Variants in GOLGA5 observed in about 807,000 individuals in gnomAD.
The protein encoded by GOLGA5 is golgin A5, also known as golgin subfamily A member 5.
In GOLGA5, 50 loss-of-function variants were observed where a neutral mutation model predicts 93.5. That is an observed-to-expected ratio of 0.53 (90% CI 0.43 to 0.68). The LOEUF (loss-of-function observed/expected upper bound fraction) is 0.68, where lower values mean the gene tolerates loss of function less well. Among genes scored for constraint, GOLGA5 ranks in the 30% least tolerant of loss-of-function variants. GOLGA5 has a pLI of 0.00. For missense variants in GOLGA5, 760 were observed against 856.4 expected (o/e 0.89, Z 1.40); for synonymous variants, 312 against 304.5 (o/e 1.02, Z -0.26).
At chr14:92,829,768 T>C (rs1885490669) in intron 9 of GOLGA5, among the ~76,000 whole-genome samples, 1 of 152,236 alleles carries the variant, frequency 6.6e-6, no homozygotes, top group Non-Finnish European at 1.5e-5. Flanking sequence ...TGACTCCAGT[T>C]TTGAAAGATG....
rs1330110488 is a variant in GOLGA5 at position 92,797,630 on chromosome 14, T to G, written c.193T>G (p.Ser65Ala). The G allele has an allele frequency of 6.2e-7, 1 of 1,613,230 alleles. No individual in the cohort carries two copies. The change falls in exon 2 of 13, where the codon TCA (serine) becomes GCA (alanine). Residue 65 changes from serine to alanine, a missense_variant. Coordinates refer to ENST00000163416, the MANE Select transcript of GOLGA5 (RefSeq NM_005113.4). The part of the protein sequence containing the change: ...QTGPKSTYIS[S>A]AADNIRNQKA... The stretch of plus-strand genomic sequence containing the variant: ...TGGACCTAAATCTACGTATATTTCA[T>G]CAGCAGCTGATAACATTCGAAATCA...
intron 9 of GOLGA5, among the ~76,000 whole-genome samples, chr14:92,828,155 G>T (rs549488235): frequency 6.6e-6 from 1 of 152,364 alleles, no homozygotes; most frequent in South Asian, 2.1e-4. Context: ...TCTATTGGAA[G>T]AAAATGCTAT....
rs547044724 is a variant in GOLGA5 at position 92,824,569 on chromosome 14, T to C, written c.1644T>C (p.Asp548=). 1.3e-6 allele frequency: 2 copies of C among 1,599,010 alleles called. No individual in the cohort carries two copies. The highest frequency in any genetic ancestry group is 8.6e-7 in the Non-Finnish European group (1 of 1,168,672). Residue 548 remains aspartate, a synonymous_variant, in exon 9 of 13, where the codon GAT becomes GAC. Transcript: ENST00000163416. ...AGGAGTTCCACTATATAGAAGAAGA[T>C]CTTTATCGAACAAAGAACACATTGC... is the stretch of plus-strand genomic sequence containing the variant. ...LKQEFHYIEE[D]LYRTKNTLQS... is the part of the protein sequence containing the mutation.
At position 92,833,261 on chromosome 14, in the gene GOLGA5, A is replaced by G; in HGVS notation, c.1859A>G (p.Glu620Gly). 6.2e-7 allele frequency: 1 copy of G among 1,613,978 alleles called. No individual in the cohort carries two copies. ...TEKNSLVFQLERLEQQMNSAS... is the reference protein window; with the variant it reads ...TEKNSLVFQLGRLEQQMNSAS... ...AAGAACTCCCTGGTCTTTCAACTGG[A>G]GCGCCTCGAACAGCAGATGAACTCC... Residue 620 changes from glutamate (E) to glycine (G), a missense_variant, in exon 10 of 13, where the codon GAG becomes GGG. Glu to Gly is a moderately conservative substitution (Grantham distance 98, BLOSUM62 -2). Coordinates refer to ENST00000163416, the MANE Select transcript of GOLGA5 (RefSeq NM_005113.4).
intron 9 of GOLGA5, among the ~76,000 whole-genome samples, chr14:92,827,952 G>A (rs963118663): frequency 1.3e-5 from 2 of 152,222 alleles, no homozygotes; most frequent in African/African-American, 4.8e-5. Flanking sequence ...AGCTGCAGAA[G>A]AGAAGTTTGA....
chr14:92,832,335 A>T (rs553375305), intron 9 of GOLGA5, among the ~76,000 whole-genome samples: 1 of 152,332 alleles, frequency 6.6e-6, no homozygotes, highest in African/African-American at 2.4e-5. Context: ...AGGGATTTAT[A>T]AGAAAGAAAG....
chr14:92,814,449 C>G (rs1885163219), intron 6 of GOLGA5, among the ~76,000 whole-genome samples: 1 of 152,070 alleles, frequency 6.6e-6, no homozygotes, highest in Non-Finnish European at 1.5e-5. Flanking sequence ...CTGGGGACCT[C>G]TCAACAGAGA....
At position 92,809,318 on chromosome 14, in the gene GOLGA5, C is replaced by G. The variant is rs1157843193; in HGVS notation, c.791C>G (p.Ala264Gly). ...TTAATAGAATTAAACAAAGCAAGAGCAAGAGTTGAAAAGTGGAATGCTGAC... is the reference window on the plus strand; with the variant it reads ...TTAATAGAATTAAACAAAGCAAGAGGAAGAGTTGAAAAGTGGAATGCTGAC... ...ETQEELNKAR[A>G]RVEKWNADHS... is the part of the protein sequence containing the mutation. Residue 264 changes from alanine to glycine, a missense_variant, in exon 4 of 13, where the codon GCA becomes GGA. Physicochemically the swap from Ala to Gly is moderately conservative, Grantham distance 60. Coordinates refer to ENST00000163416, the MANE Select transcript of GOLGA5 (RefSeq NM_005113.4). 1 of 1,610,628 alleles carries G rather than the reference C, an allele frequency of 6.2e-7. No individual in the cohort carries two copies. Among genetic ancestry groups the G allele is most frequent in the African/African-American group, 1.3e-5 (1 of 74,828 alleles).
chr14:92,804,712 G>A (rs145484056), intron 2 of GOLGA5, among the ~76,000 whole-genome samples: 446 of 141,446 alleles, frequency 3.2e-3, no homozygotes, highest in Middle Eastern at 0.016. Flanking sequence ...CTGGAGTGCA[G>A]TGGTGCAGTC....
rs1484392740 is a variant in GOLGA5 at position 92,821,813 on chromosome 14, T to A, written c.1620+1977T>A. Among the ~76,000 whole-genome samples, 3 of 152,222 alleles carry A rather than the reference T, an allele frequency of 2.0e-5. No homozygotes were observed. In the East Asian group the frequency reaches 5.8e-4, roughly 29 times the overall value. On this transcript the variant is annotated intron_variant, in intron 8 of 12. Coordinates refer to ENST00000163416, the MANE Select transcript of GOLGA5 (RefSeq NM_005113.4). ...ATGTCATAGGCAGTTTTAGATAATT[T>A]AGTTATGAGATTAGCGTCCTTTCAG... is the stretch of plus-strand genomic sequence containing the variant.
chr14:92,801,421 T>C (rs1884867376), intron 2 of GOLGA5, among the ~76,000 whole-genome samples: 1 of 152,244 alleles, frequency 6.6e-6, no homozygotes, highest in South Asian at 2.1e-4. Flanking sequence ...TATTTGACTA[T>C]TGAACTTTCA....
rs558603801 is a variant in GOLGA5 at position 92,819,556 on chromosome 14, C to CCAGGAGTTT, written c.1492-151_1492-143dup. ...CTGATGTGGGAGGATCCCCTTGAGC[C>CCAGGAGTTT]CAGGAGTTTGAGGCTGCCATGAACT... On this transcript the variant is annotated intron_variant, in intron 7 of 12. Transcript: ENST00000163416. 6.0e-4 allele frequency: 406 copies of CCAGGAGTTT among 678,678 alleles called. 1 individual carries two copies. In the African/African-American group the frequency reaches 6.5e-3, roughly 11 times the overall value. 42.0% of individuals were successfully genotyped at this position (678,678 alleles called of 1,614,324 possible).
In GOLGA5 at chr14:92,806,752, A is replaced by G; in HGVS notation, c.561A>G (p.Ser187=). 6.2e-7 allele frequency: 1 copy of G among 1,613,046 alleles called. No individual in the cohort carries two copies. Among genetic ancestry groups the G allele is most frequent in the Non-Finnish European group, 8.5e-7 (1 of 1,178,952 alleles). ...GSQTHEAASN[S]DSSHEGQEES... ...TTTTTACAGAAGCTGCCAGTAACTC[A>G]GATTCTAGCCATGAAGGTCAAGAGG... The change falls in exon 3 of 13, where the codon TCA becomes TCG. Residue 187 remains serine, a synonymous_variant. Transcript: ENST00000163416.
chr14:92,818,092 C>T (rs750719912), intron 7 of GOLGA5, among the ~76,000 whole-genome samples: 1 of 152,070 alleles, frequency 6.6e-6, no homozygotes, highest in African/African-American at 2.4e-5. Flanking sequence ...TAAACTTACT[C>T]ATATCTGTTC....
intron 9 of GOLGA5, among the ~76,000 whole-genome samples, chr14:92,832,354 A>G (rs890731531): frequency 1.1e-4 from 16 of 152,308 alleles, no homozygotes; most frequent in African/African-American, 3.6e-4. Context: ...AGGCAGGTGG[A>G]GCCTAGATAA....
At chr14:92,813,178 CTCT>C (rs372071370) in intron 6 of GOLGA5, among the ~76,000 whole-genome samples, 2 of 152,190 alleles carry the variant, frequency 1.3e-5, no homozygotes, top group African/African-American at 4.8e-5. Context: ...CCTCCTCAAA[CTCT>C]TCTTTCTAAG....
At chr14:92,818,175 A>T (rs1885247388) in intron 7 of GOLGA5, among the ~76,000 whole-genome samples, 1 of 152,158 alleles carries the variant, frequency 6.6e-6, no homozygotes, top group Non-Finnish European at 1.5e-5. Context: ...ACATTGACCC[A>T]TTTTCTTACC....
At chr14:92,831,502 C>A (rs1885529997) in intron 9 of GOLGA5, among the ~76,000 whole-genome samples, 1 of 151,984 alleles carries the variant, frequency 6.6e-6, no homozygotes. Context: ...AAACTAAATT[C>A]TGCTAATAGA....
At chr14:92,798,282 TGAAA>T (rs1398511097) in intron 2 of GOLGA5, among the ~76,000 whole-genome samples, 1 of 152,238 alleles carries the variant, frequency 6.6e-6, no homozygotes, top group Non-Finnish European at 1.5e-5. Flanking sequence ...TTTTGAAATC[TGAAA>T]GAAAACATGT....
Sources: allele counts gnomAD v4.1 joint callset (sites outside exome capture counted in the v4.1 genomes callset), GRCh38; gene constraint gnomAD v4.1.1; transcripts MANE v1.5; gene names NCBI Gene and HGNC (gene_info 2026-07-23, HGNC 2026-07-21).